PTH2R: variants seen among roughly 807,000 people sequenced by gnomAD.
PTH2R encodes the protein parathyroid hormone 2 receptor.
PTH2R carries 59 observed loss-of-function variants against 60.3 expected under a neutral mutation model. That is an observed-to-expected ratio of 0.98 (90% CI 0.79 to 1.22). The LOEUF (loss-of-function observed/expected upper bound fraction) is 1.22, where lower values mean the gene tolerates loss of function less well. Among genes scored for constraint, PTH2R ranks in the 50% most tolerant of loss-of-function variants. The pLI, the probability that PTH2R is intolerant of heterozygous loss-of-function variation, is 0.00. For missense variants in PTH2R, 749 were observed against 682.6 expected (o/e 1.10, Z -1.08); for synonymous variants, 256 against 243.8 (o/e 1.05, Z -0.47).
intron 11 of PTH2R, among the ~76,000 whole-genome samples, chr2:208,489,490 G>A (rs1703355172): frequency 6.6e-6 from 1 of 152,054 alleles, no homozygotes; most frequent in Non-Finnish European, 1.5e-5. Context: ...GTAAAAGAAG[G>A]TGAAGGCAGG....
At chr2:208,382,180 TATTAC>T (rs1700928353) in intron 1 of PTH2R, among the ~76,000 whole-genome samples, 1 of 152,160 alleles carries the variant, frequency 6.6e-6, no homozygotes, top group African/African-American at 2.4e-5. Flanking sequence ...TTGAGTAGTA[TATTAC>T]ATTGTGTAGA....
intron 9 of PTH2R, among the ~76,000 whole-genome samples, chr2:208,465,858 C>T (rs1702739727): frequency 6.6e-6 from 1 of 152,066 alleles, no homozygotes; most frequent in African/African-American, 2.4e-5. Context: ...GTGCTACAAA[C>T]ACCAGTTAGT....
chr2:208,466,015 A>C (rs1452684844), intron 9 of PTH2R, among the ~76,000 whole-genome samples: 1 of 152,130 alleles, frequency 6.6e-6, no homozygotes, highest in Non-Finnish European at 1.5e-5. Flanking sequence ...CTTTGTTTCC[A>C]TGCATTTATA....
At chr2:208,403,343 T>C (rs1438561489), upstream of PTH2R, among the ~76,000 whole-genome samples, 1 of 152,212 alleles carries the variant, frequency 6.6e-6, no homozygotes, top group Non-Finnish European at 1.5e-5. Context: ...TAAAATCCTA[T>C]GGGATTTCTA....
chr2:208,430,018 C>A (rs1164774225), intron 2 of PTH2R, among the ~76,000 whole-genome samples: 1 of 152,178 alleles, frequency 6.6e-6, no homozygotes, highest in Non-Finnish European at 1.5e-5. Flanking sequence ...CCAGTTCCAA[C>A]TCTCTTTTGG....
At position 208,493,491 on chromosome 2, in the gene PTH2R, T is replaced by A. The variant is rs973467793; in HGVS notation, c.1485T>A (p.Tyr495Ter). ...QPDSHITLPG[Y>*]VWSNSEQDCL... ...ACAGCCACATCACTTTACCTGGCTA[T>A]GTCTGGAGTAACTCAGAGCAGGACT... Residue 495 changes from tyrosine (Y) to a stop codon, truncating the protein, a stop_gained, in exon 13 of 13, where the codon TAT (tyrosine) becomes TAA (stop). Coordinates refer to ENST00000272847, the MANE Select transcript of PTH2R (RefSeq NM_005048.4). LOFTEE classifies it low-confidence loss of function (END_TRUNC). The A allele has an allele frequency of 5.6e-6, 9 of 1,613,076 alleles. No individual in the cohort carries two copies. In the Admixed American group the frequency reaches 1.2e-4, roughly 21 times the overall value.
chr2:208,436,542 C>G (rs543161398), intron 2 of PTH2R, among the ~76,000 whole-genome samples: 1 of 152,244 alleles, frequency 6.6e-6, no homozygotes, highest in South Asian at 2.1e-4. Context: ...CAAGGAACAA[C>G]AGAAGCCTAG....
chr2:208,437,889 A>G lies in PTH2R; in HGVS notation c.411+8A>G. 2.5e-6 allele frequency: 4 copies of G among 1,606,794 alleles called. No homozygotes were observed. The highest frequency in any genetic ancestry group is 3.4e-6 in the Non-Finnish European group (4 of 1,174,342). ...GATATCAGCATAGGAAAGGTAATGG[A>G]ATTTCTCTATTTGTGAATTCCTAAG... On this transcript the variant is annotated splice_region_variant and intron_variant, in intron 4 of 12. Coordinates refer to ENST00000272847, the MANE Select transcript of PTH2R (RefSeq NM_005048.4).
Position 208,443,423 on chromosome 2 carries a change from T to A in PTH2R, c.585T>A (p.Phe195Leu), listed in dbSNP as rs1206498071. Residue 195 changes from phenylalanine to leucine, a missense_variant, in exon 6 of 13, where the codon TTT becomes TTA. Physicochemically the swap from Phe to Leu is conservative, Grantham distance 22. Coordinates refer to ENST00000272847, the MANE Select transcript of PTH2R (RefSeq NM_005048.4). Reference sequence around the variant, plus strand: ...TCATGCTGAGAGCTACAAGCATCTTTGTCAAAGACAGAGTAGTCCATGCTC... The same window carrying A: ...TCATGCTGAGAGCTACAAGCATCTTAGTCAAAGACAGAGTAGTCCATGCTC... ...VSFMLRATSI[F>L]VKDRVVHAHI... 6.2e-7 allele frequency: 1 copy of A among 1,613,422 alleles called. No homozygotes were observed. Among genetic ancestry groups the A allele is most frequent in the African/African-American group, 1.3e-5 (1 of 75,038 alleles).
chr2:208,416,554 T>G (rs1163553879), intron 1 of PTH2R, among the ~76,000 whole-genome samples: 1 of 152,214 alleles, frequency 6.6e-6, no homozygotes, highest in African/African-American at 2.4e-5. Context: ...TTAGGTGAAC[T>G]ACTTTTTCAA....
At chr2:208,422,973 C>A (rs1701786766) in intron 1 of PTH2R, among the ~76,000 whole-genome samples, 1 of 151,950 alleles carries the variant, frequency 6.6e-6, no homozygotes, top group Non-Finnish European at 1.5e-5. Context: ...TTTGTGTATT[C>A]TTCCTTTTTT....
At chr2:208,379,341 A>G (rs1700869067) in intron 1 of PTH2R, among the ~76,000 whole-genome samples, 1 of 152,154 alleles carries the variant, frequency 6.6e-6, no homozygotes, top group Non-Finnish European at 1.5e-5. Flanking sequence ...TCAGAGTGTC[A>G]TAGTTCTCTA....
intron 1 of PTH2R, among the ~76,000 whole-genome samples, chr2:208,376,388 T>C (rs974631294): frequency 6.6e-6 from 1 of 152,144 alleles, no homozygotes; most frequent in Admixed American, 6.5e-5. Flanking sequence ...CTGTTGCACT[T>C]TTATGTGTGT....
chr2:208,490,738 T>C (rs1401922886), intron 12 of PTH2R, 58 bp downstream of exon 12: 14 of 1,484,820 alleles, frequency 9.4e-6, no homozygotes, highest in South Asian at 1.3e-5. Context: ...GCCATCACAA[T>C]GTATCCTGAA....
intron 8 of PTH2R, among the ~76,000 whole-genome samples, chr2:208,458,783 G>A (rs571978050): frequency 6.6e-6 from 1 of 151,766 alleles, no homozygotes; most frequent in South Asian, 2.1e-4. Context: ...ATGATCTTGT[G>A]TTTTTTTTGT....
chr2:208,450,098 G>C lies in PTH2R; in HGVS notation c.854-651G>C, dbSNP rs1163767627. ...TTTTACTGGGGGGCAAACGAAAGTC[G>C]GTATAATGGATTTGATGTTACAAGC... On this transcript the variant is annotated intron_variant, in intron 7 of 12. Coordinates refer to ENST00000272847, the MANE Select transcript of PTH2R (RefSeq NM_005048.4). 4.6e-5 allele frequency among the ~76,000 whole-genome samples: 7 copies of C among 152,244 alleles called. No homozygotes were observed. In the East Asian group the frequency reaches 1.4e-3, roughly 29 times the overall value.
intron 1 of PTH2R, among the ~76,000 whole-genome samples, chr2:208,363,630 A>C (rs898848221): frequency 1.3e-5 from 2 of 152,216 alleles, no homozygotes; most frequent in South Asian, 4.1e-4. Context: ...TTACATTCCC[A>C]CCAGCAGTGT....
At chr2:208,378,458 G>C (rs1024109283) in intron 1 of PTH2R, among the ~76,000 whole-genome samples, 2 of 152,092 alleles carry the variant, frequency 1.3e-5, no homozygotes, top group Non-Finnish European at 2.9e-5. Context: ...ATTGCCTTCC[G>C]TAGTTCCTCC....
At chr2:208,467,150 A>G (rs1702771199) in intron 9 of PTH2R, among the ~76,000 whole-genome samples, 1 of 152,134 alleles carries the variant, frequency 6.6e-6, no homozygotes, top group Non-Finnish European at 1.5e-5. Context: ...TTTCGGGTTA[A>G]TTGGTCATCC....
Sources: gnomAD v4.1 joint callset for allele counts (sites outside exome capture counted in the v4.1 genomes callset) on GRCh38, gnomAD v4.1.1 for gene constraint, MANE v1.5 for transcripts, NCBI Gene and HGNC (gene_info 2026-07-23, HGNC 2026-07-21) for gene names.